COA1: variants seen among roughly 807,000 people sequenced by gnomAD.
COA1 encodes the protein cytochrome c oxidase assembly factor 1 homolog.
A neutral mutation model predicts 16.0 loss-of-function variants in COA1; 13 were observed. That is an observed-to-expected ratio of 0.81 (90% CI 0.53 to 1.29). The LOEUF is 1.29. Among genes scored for constraint, COA1 ranks in the 50% most tolerant of loss-of-function variants. The probability of loss-of-function intolerance (pLI) is 0.00; values close to 1 mark genes in which losing one functional copy is unlikely to be tolerated. For missense variants in COA1, 179 were observed against 177.0 expected, an observed-to-expected ratio of 1.01 and a Z score of -0.06; for synonymous variants, 65 against 65.7, an observed-to-expected ratio of 0.99 and a Z score of 0.05.
In COA1 at chr7:43,727,736, A is replaced by G. The variant is rs180761763; in HGVS notation, c.-39+1693T>C. On this transcript the variant is annotated intron_variant, in intron 1 of 5. Transcript: ENST00000223336. ...TGGGGAAGTCAGGTGAGCCTGCTGAATAAGTACAGGGTTTCCTTTTGGAGT... is the reference window on the plus strand; with the variant it reads ...TGGGGAAGTCAGGTGAGCCTGCTGAGTAAGTACAGGGTTTCCTTTTGGAGT... 3.9e-5 allele frequency among the ~76,000 whole-genome samples: 6 copies of G among 152,326 alleles called. No homozygotes were observed. The East Asian group carries it at 9.6e-4, about 24-fold the overall frequency.
At chr7:43,615,244 C>T (rs1389673290) in intron 6 of COA1, among the ~76,000 whole-genome samples, 2 of 152,168 alleles carry the variant, frequency 1.3e-5, no homozygotes, top group African/African-American at 4.8e-5. Flanking sequence ...GGCACTATCT[C>T]GGCTCACTGC....
At chr7:43,671,979 T>G (rs1012378141) in intron 1 of COA1, among the ~76,000 whole-genome samples, 12 of 152,144 alleles carry the variant, frequency 7.9e-5, no homozygotes, top group African/African-American at 2.9e-4. Context: ...TACCCAGTTT[T>G]GGGTATTTCT....
chr7:43,642,636 C>G (rs973612253), intron 4 of COA1, among the ~76,000 whole-genome samples: 2 of 152,106 alleles, frequency 1.3e-5, no homozygotes, highest in African/African-American at 4.8e-5. Context: ...TGAAGAAGAG[C>G]AAACTCTGAG....
chr7:43,679,424 A>T (rs2093671718), intron 1 of COA1, among the ~76,000 whole-genome samples: 1 of 152,156 alleles, frequency 6.6e-6, no homozygotes, highest in South Asian at 2.1e-4. Context: ...CCTATGTTTT[A>T]AAAGATTCTC....
chr7:43,710,906 A>T (rs998345818), intron 1 of COA1, among the ~76,000 whole-genome samples: 17 of 152,228 alleles, frequency 1.1e-4, no homozygotes, highest in Non-Finnish European at 2.4e-4. Flanking sequence ...AACAATAAGC[A>T]GCTGCCAGGG....
chr7:43,682,426 C>G (rs890857449), intron 1 of COA1, among the ~76,000 whole-genome samples: 1 of 152,062 alleles, frequency 6.6e-6, no homozygotes, highest in African/African-American at 2.4e-5. Context: ...ATTTTTTAAA[C>G]AAAGAAGTTG....
intron 6 of COA1, chr7:43,619,686 A>G (rs1231707175): frequency 6.2e-7 from 1 of 1,614,074 alleles, no homozygotes; most frequent in Non-Finnish European, 8.5e-7. Context: ...AGAACAGTGA[A>G]GAGCTCCGAG....
chr7:43,723,360 T>C (rs998264572), intron 1 of COA1, among the ~76,000 whole-genome samples: 3 of 152,180 alleles, frequency 2.0e-5, no homozygotes, highest in Non-Finnish European at 2.9e-5. Context: ...AAAAGAATGA[T>C]ACAGTCGTAA....
At chr7:43,696,078 T>C (rs1197454967) in intron 1 of COA1, among the ~76,000 whole-genome samples, 2 of 152,218 alleles carry the variant, frequency 1.3e-5, no homozygotes, top group Non-Finnish European at 2.9e-5. Flanking sequence ...ACATCTCACA[T>C]GGAAGCCTGC....
chr7:43,608,563 CA>C, exon 7 of COA1: 1 of 734,022 alleles, frequency 1.4e-6, no homozygotes, highest in Non-Finnish European at 2.1e-6. Flanking sequence ...TTAGTTTTAT[CA>C]GGGAGATAAT....
chr7:43,663,999 T>G (rs2092684465), intron 1 of COA1, among the ~76,000 whole-genome samples: 1 of 151,892 alleles, frequency 6.6e-6, no homozygotes. Flanking sequence ...GAGGCTGCAG[T>G]GAGCCAAGAT....
chr7:43,615,396 C>T (rs542224207), intron 6 of COA1, among the ~76,000 whole-genome samples: 1 of 152,066 alleles, frequency 6.6e-6, no homozygotes, highest in African/African-American at 2.4e-5. Context: ...AGGCTGGTCT[C>T]GAACTCCTAA....
chr7:43,667,601 C>A (rs541889915), intron 1 of COA1, among the ~76,000 whole-genome samples: 1 of 152,028 alleles, frequency 6.6e-6, no homozygotes, highest in Non-Finnish European at 1.5e-5. Context: ...TCTCAAAAGA[C>A]GGTTTATAAT....
At chr7:43,679,096 T>C (rs578026592) in intron 1 of COA1, among the ~76,000 whole-genome samples, 301 of 152,124 alleles carry the variant, frequency 2.0e-3, no homozygotes, top group Admixed American at 5.0e-3. Flanking sequence ...CTGGCCAACA[T>C]GGTGAAACCC....
At chr7:43,672,615 C>T (rs2093325060) in intron 1 of COA1, among the ~76,000 whole-genome samples, 2 of 151,956 alleles carry the variant, frequency 1.3e-5, no homozygotes, top group Admixed American at 6.6e-5. Flanking sequence ...ACTAAAAATA[C>T]AAAAATTAGC....
chr7:43,656,781 CA>C (rs1401881775), intron 1 of COA1, among the ~76,000 whole-genome samples: 1 of 151,770 alleles, frequency 6.6e-6, no homozygotes, highest in Non-Finnish European at 1.5e-5. Flanking sequence ...ATCATTATAC[CA>C]AAATAAAGCC....
chr7:43,657,682 A>G (rs1284406567), intron 1 of COA1, among the ~76,000 whole-genome samples: 1 of 150,410 alleles, frequency 6.6e-6, no homozygotes, highest in African/African-American at 2.4e-5. Context: ...AGTAATAAGT[A>G]CTTTAAAAAA....
At chr7:43,691,922 G>A (rs2094385655) in intron 1 of COA1, among the ~76,000 whole-genome samples, 2 of 152,166 alleles carry the variant, frequency 1.3e-5, no homozygotes, top group African/African-American at 4.8e-5. Context: ...AAAATCATCT[G>A]CCCAGGTGTC....
chr7:43,640,082 A>AAAT (rs2086667827), intron 5 of COA1, among the ~76,000 whole-genome samples: 1 of 152,170 alleles, frequency 6.6e-6, no homozygotes, highest in South Asian at 2.1e-4. Context: ...TTGGGAATTA[A>AAAT]AATACAGCCT....
Sources: allele counts gnomAD v4.1 joint callset (sites outside exome capture counted in the v4.1 genomes callset), GRCh38; gene constraint gnomAD v4.1.1; transcripts MANE v1.5; gene names NCBI Gene and HGNC (gene_info 2026-07-23, HGNC 2026-07-21).